IBA57: variants seen among roughly 807,000 people sequenced by gnomAD.
IBA57 encodes iron-sulfur cluster assembly factor IBA57, also known as iron-sulfur cluster assembly factor IBA57, mitochondrial.
IBA57 carries 20 observed loss-of-function variants against 20.4 expected under a neutral mutation model. The observed-to-expected ratio is 0.98, with a 90% CI of 0.69 to 1.42. The LOEUF (loss-of-function observed/expected upper bound fraction) is 1.42, where lower values mean the gene tolerates loss of function less well. Ranked by LOEUF, IBA57 falls within the 40% of genes most tolerant of loss-of-function variation. IBA57 has a pLI of 0.00. For missense variants in IBA57, 608 were observed against 499.3 expected (o/e 1.22, Z -2.07); for synonymous variants, 310 against 233.9 (o/e 1.33, Z -2.97).
Position 228,176,816 on chromosome 1 carries a change from G to A in IBA57, c.*1303G>A, listed in dbSNP as rs2035031127. ...TGTAGTTTGTGATCACCCAGGAGGA[G>A]GGTGTAGAGCGGATGGACGGGAGGA... On this transcript the variant is annotated 3_prime_UTR_variant, in exon 3 of 3. Coordinates refer to ENST00000366711, the MANE Select transcript of IBA57 (RefSeq NM_001010867.4). 2 of 152,422 alleles carry A rather than the reference G, an allele frequency of 1.3e-5. No individual in the cohort carries two copies. Among genetic ancestry groups the A allele is most frequent in the Non-Finnish European group, 2.9e-5 (2 of 68,168 alleles). 9.4% of individuals were successfully genotyped at this position (152,422 alleles called of 1,614,324 possible).
rs1475803314 is a variant in IBA57 at position 228,170,191 on chromosome 1, T to C, written c.341+4034T>C. Among the ~76,000 whole-genome samples the C allele has an allele frequency of 6.6e-6, 1 of 152,222 alleles. No individual in the cohort carries two copies. Among genetic ancestry groups the C allele is most frequent in the Non-Finnish European group, 1.5e-5 (1 of 68,046 alleles). On this transcript the variant is annotated intron_variant, in intron 1 of 2. Coordinates refer to ENST00000366711, the MANE Select transcript of IBA57 (RefSeq NM_001010867.4). The surrounding 1 kb of genome is among the most constrained non-coding windows in gnomAD (Gnocchi z 4.8). ...GCCGACAGCTAATTTCTTTTAGTAC[T>C]GGTTAGTATTCCATTGGATGGACCA...
intron 1 of IBA57, among the ~76,000 whole-genome samples, 170 bp downstream of exon 1, chr1:228,166,327 C>T (rs1421137897): frequency 1.3e-5 from 2 of 152,018 alleles, no homozygotes; most frequent in Non-Finnish European, 2.9e-5. Context: ...CAGCGACTGG[C>T]ACTCAGGGTC....
At position 228,175,204 on chromosome 1, in the gene IBA57, C is replaced by G; in HGVS notation, c.762C>G (p.Ser254Arg). 6.2e-7 allele frequency: 1 copy of G among 1,612,932 alleles called. No homozygotes were observed. The highest frequency in any genetic ancestry group is 8.5e-7 in the Non-Finnish European group (1 of 1,179,986). Residue 254 changes from serine (S) to arginine (R), a missense_variant, in exon 3 of 3, where the codon AGC becomes AGG. Ser to Arg is a moderately radical substitution (Grantham distance 110). Coordinates refer to ENST00000366711, the MANE Select transcript of IBA57 (RefSeq NM_001010867.4). ...ACCTGGCCTTCATGAACGGCGTGAG[C>G]TTCACCAAAGGCTGCTACATTGGCC... is the stretch of plus-strand genomic sequence containing the variant. ...ESNLAFMNGV[S>R]FTKGCYIGQE... is the part of the protein sequence containing the mutation.
In IBA57 at chr1:228,170,160, C is replaced by T. The variant is rs914999794; in HGVS notation, c.341+4003C>T. Among the ~76,000 whole-genome samples, 18 of 152,176 alleles carry T rather than the reference C, an allele frequency of 1.2e-4. No individual in the cohort carries two copies. The highest frequency in any genetic ancestry group is 1.8e-4 in the Non-Finnish European group (12 of 68,036). On this transcript the variant is annotated intron_variant, in intron 1 of 2. Transcript: ENST00000366711. This position sits in a 1 kb window ranked among gnomAD's most constrained non-coding sequence, Gnocchi z 4.8. ...CTGGGATTACAGGCGTGAGCCACGG[C>T]GCCCGGCCGACAGCTAATTTCTTTT...
At position 228,175,247 on chromosome 1, in the gene IBA57, A is replaced by T; in HGVS notation, c.805A>T (p.Thr269Ser). The change falls in exon 3 of 3, where the codon ACC (threonine) becomes TCC (serine). Residue 269 changes from threonine (T) to serine (S), a missense_variant. Coordinates refer to ENST00000366711, the MANE Select transcript of IBA57 (RefSeq NM_001010867.4). The part of the protein sequence containing the change: ...CYIGQELTAR[T>S]HHMGVIRKRL... ...CATTGGCCAGGAGCTGACGGCCCGC[A>T]CCCACCACATGGGCGTCATCCGCAA... is the stretch of plus-strand genomic sequence containing the variant. The T allele has an allele frequency of 6.2e-7, 1 of 1,612,554 alleles. No individual in the cohort carries two copies. The highest frequency in any genetic ancestry group is 8.5e-7 in the Non-Finnish European group (1 of 1,179,942).
intron 1 of IBA57, chr1:228,172,119 A>G (rs1228945059): frequency 2.8e-5 from 4 of 143,172 alleles, no homozygotes; most frequent in Non-Finnish European, 6.0e-5. Flanking sequence ...TTATTTTGAA[A>G]TAATTATAGA....
At position 228,174,900 on chromosome 1, in the gene IBA57, ATCC is replaced by A. The variant is rs1264444852; in HGVS notation, c.553_555del (p.Leu185del). 19 of 1,603,800 alleles carry A rather than the reference ATCC, an allele frequency of 1.2e-5. No individual in the cohort carries two copies. Among genetic ancestry groups the A allele is most frequent in the Non-Finnish European group, 1.6e-5 (19 of 1,175,154 alleles). ...GCAGGAGAGGGCAGGGGCTGCCGCC[ATCC>A]TCATCCGCGACCCGCGAACAGCACG... On this transcript the variant is annotated inframe_deletion, in exon 2 of 3. Coordinates refer to ENST00000366711, the MANE Select transcript of IBA57 (RefSeq NM_001010867.4).
At chr1:228,174,114 TGTGGGC>T (rs1341622790) in intron 1 of IBA57, among the ~76,000 whole-genome samples, 1 of 150,356 alleles carries the variant, frequency 6.7e-6, no homozygotes, top group Non-Finnish European at 1.5e-5. Flanking sequence ...CTGGTGTGGC[TGTGGGC>T]GTGGCTCGCT....
chr1:228,173,999 T>A (rs535652092), intron 1 of IBA57, among the ~76,000 whole-genome samples: 1 of 152,228 alleles, frequency 6.6e-6, no homozygotes, highest in Non-Finnish European at 1.5e-5. Flanking sequence ...CCTGGCCTGC[T>A]GTGCGTTGTC....
rs933476326 is a variant in IBA57 at position 228,166,071 on chromosome 1, C to T, written c.255C>T (p.Ala85=). Residue 85 remains alanine (A), a synonymous_variant, in exon 1 of 3, where the codon GCC becomes GCT. Coordinates refer to ENST00000366711, the MANE Select transcript of IBA57 (RefSeq NM_001010867.4). ...AACTGCCGCTTCCGAGTCCTGCGGC[C>T]GCGGGGGCCCCGCCTGCTGCGCGCG... ...TNELPLPSPA[A]AGAPPAARAG... is the part of the protein sequence containing the mutation. The T allele has an allele frequency of 8.3e-5, 128 of 1,537,042 alleles. No homozygotes were observed. Among genetic ancestry groups the T allele is most frequent in the Non-Finnish European group, 1.1e-4 (125 of 1,145,104 alleles).
chr1:228,174,629 T>TG, intron 1 of IBA57, 63 bp from the exon 2 acceptor site: 1 of 1,422,120 alleles, frequency 7.0e-7, no homozygotes, highest in South Asian at 1.4e-5. Flanking sequence ...CGCTCCCTCA[T>TG]GCAGCCCTTT....
chr1:228,175,583 CT>C lies in IBA57; in HGVS notation c.*72del. ...GGGGCCTTTGGCCTCTGTCCAGGGTCTTCCCGTCCCATCTGTCTGCTGCGCC... is the reference window on the plus strand; with the variant it reads ...GGGGCCTTTGGCCTCTGTCCAGGGTCTCCCGTCCCATCTGTCTGCTGCGCC... On this transcript the variant is annotated 3_prime_UTR_variant, in exon 3 of 3. Transcript: ENST00000366711. 6.7e-7 allele frequency: 1 copy of C among 1,489,772 alleles called. No individual in the cohort carries two copies. The highest frequency in any genetic ancestry group is 8.9e-7 in the Non-Finnish European group (1 of 1,119,004). The allele number at this position is 1,489,772 out of a possible 1,614,324, so 92.3% of individuals were successfully genotyped here.
Position 228,174,656 on chromosome 1 carries a change from G to A in IBA57, c.342-36G>A, listed in dbSNP as rs374967019. 8.2e-5 allele frequency: 122 copies of A among 1,481,928 alleles called. No individual in the cohort carries two copies. In the Middle Eastern group the frequency reaches 8.8e-4, roughly 11 times the overall value. 91.8% of individuals were successfully genotyped at this position (1,481,928 alleles called of 1,614,324 possible). On this transcript the variant is annotated intron_variant, in intron 1 of 2. Transcript: ENST00000366711. ...CAGCCCTTTCTGGCCCACTCAGTTG[G>A]TGAGCTGCCATGCGCCCCTGCCTCT...
intron 1 of IBA57, 84 bp downstream of exon 1, chr1:228,166,241 C>G (rs1268509202): frequency 1.6e-5 from 4 of 250,020 alleles, no homozygotes; most frequent in South Asian, 1.2e-4. Flanking sequence ...GGCGGGCGCC[C>G]GGGGCCTGCA....
At position 228,175,611 on chromosome 1, in the gene IBA57, A is replaced by C; in HGVS notation, c.*98A>C. The C allele has an allele frequency of 7.1e-7, 1 of 1,411,612 alleles. No homozygotes were observed. The allele number at this position is 1,411,612 out of a possible 1,614,324, so 87.4% of individuals were successfully genotyped here. A position where few individuals can be genotyped will look rare whatever the true frequency, so the allele number is the denominator to read the frequency against. On this transcript the variant is annotated 3_prime_UTR_variant, in exon 3 of 3. Coordinates refer to ENST00000366711, the MANE Select transcript of IBA57 (RefSeq NM_001010867.4). Reference sequence around the variant, plus strand: ...CCCGTCCCATCTGTCTGCTGCGCCTACTGGGTGGGAGCCCTGGTTTCCATC... The same window carrying C: ...CCCGTCCCATCTGTCTGCTGCGCCTCCTGGGTGGGAGCCCTGGTTTCCATC...
chr1:228,166,073 C>CG lies in IBA57; in HGVS notation c.262dup (p.Ala88GlyfsTer22), dbSNP rs1558123212. 34 of 1,537,082 alleles carry CG rather than the reference C, an allele frequency of 2.2e-5. No homozygotes were observed. The highest frequency in any genetic ancestry group is 2.4e-5 in the Non-Finnish European group (28 of 1,144,974). ...CTGCCGCTTCCGAGTCCTGCGGCCG[C>CG]GGGGGCCCCGCCTGCTGCGCGCGCG... is the stretch of plus-strand genomic sequence containing the variant. On this transcript the variant is annotated frameshift_variant, in exon 1 of 3. Transcript: ENST00000366711. LOFTEE classifies it high-confidence loss of function.
At chr1:228,172,173 G>A (rs1318719981) in intron 1 of IBA57, 1 of 151,426 alleles carries the variant, frequency 6.6e-6, no homozygotes, top group Admixed American at 6.6e-5. Context: ...AAACCCGTGG[G>A]AGAGATCGCA....
Position 228,176,091 on chromosome 1 carries a change from A to G in IBA57, c.*578A>G, listed in dbSNP as rs892279397. 1 of 152,736 alleles carries G rather than the reference A, an allele frequency of 6.5e-6. No individual in the cohort carries two copies. Among genetic ancestry groups the G allele is most frequent in the East Asian group, 1.9e-4 (1 of 5,174 alleles). The allele number at this position is 152,736 out of a possible 1,614,324, so 9.5% of individuals were successfully genotyped here. A position where few individuals can be genotyped will look rare whatever the true frequency, so the allele number is the denominator to read the frequency against. ...AGCACACAGGGATGAGCCACTAGGT[A>G]TCCCATGCTGGAGGCTTGTGGAAGG... On this transcript the variant is annotated 3_prime_UTR_variant, in exon 3 of 3. Transcript: ENST00000366711.
chr1:228,175,676 C>A lies in IBA57; in HGVS notation c.*163C>A. Reference sequence around the variant, plus strand: ...TTGTAGGTGCCCTGCCTGGCCCCACCCATGCTCAGGGGCCCCAGGCACGTG... The same window carrying A: ...TTGTAGGTGCCCTGCCTGGCCCCACACATGCTCAGGGGCCCCAGGCACGTG... On this transcript the variant is annotated 3_prime_UTR_variant, in exon 3 of 3. Transcript: ENST00000366711. The A allele has an allele frequency of 1.1e-6, 1 of 911,356 alleles. No individual in the cohort carries two copies. Among genetic ancestry groups the A allele is most frequent in the Non-Finnish European group, 1.5e-6 (1 of 645,688 alleles). The allele number at this position is 911,356 out of a possible 1,614,324, so 56.5% of individuals were successfully genotyped here.
Sources: gnomAD v4.1 joint callset for allele counts (sites outside exome capture counted in the v4.1 genomes callset) on GRCh38, gnomAD v4.1.1 for gene constraint, Gnocchi (gnomAD v3.1) non-coding constraint, MANE v1.5 for transcripts, NCBI Gene and HGNC (gene_info 2026-07-23, HGNC 2026-07-21) for gene names.